Variants in NRG3 observed in about 807,000 individuals in gnomAD.
NRG3 encodes pro-neuregulin-3, membrane-bound isoform.
In NRG3, 31 loss-of-function variants were observed where a neutral mutation model predicts 66.9. The ratio of observed to expected loss-of-function variants is 0.46; its 90% CI spans 0.35 to 0.63. The LOEUF is 0.63. Among genes scored for constraint, NRG3 ranks in the 20% least tolerant of loss-of-function variants. The pLI is 0.00. For synonymous variants in NRG3, 393 were observed against 359.4 expected (o/e 1.09, Z -1.06); for missense variants, 910 against 878.9 (o/e 1.04, Z -0.45).
At chr10:82,832,509 G>A (rs1408087338) in intron 3 of NRG3, among the ~76,000 whole-genome samples, 2 of 152,012 alleles carry the variant, frequency 1.3e-5, no homozygotes, top group African/African-American at 4.8e-5. Flanking sequence ...ATAATATATG[G>A]CAATATTAAG....
chr10:82,242,418 T>C (rs11594444), intron 1 of NRG3, among the ~76,000 whole-genome samples: 22,444 of 152,254 alleles, frequency 0.15, 1,798 homozygotes, highest in African/African-American at 0.19. Context: ...AGAACATTTC[T>C]GTAAATAGAA....
At chr10:82,637,861 C>T (rs1055242787) in intron 2 of NRG3, among the ~76,000 whole-genome samples, 1 of 151,900 alleles carries the variant, frequency 6.6e-6, no homozygotes, top group African/African-American at 2.4e-5. Flanking sequence ...CCAGAGCATT[C>T]GATGATAGCA....
intron 1 of NRG3, among the ~76,000 whole-genome samples, chr10:81,888,237 G>A (rs775992108): frequency 6.6e-5 from 10 of 151,996 alleles, no homozygotes; most frequent in Non-Finnish European, 1.0e-4. Flanking sequence ...CCCTTTTGAC[G>A]TAAGCCTTTC....
At chr10:82,833,111 CT>C (rs1464410679) in intron 3 of NRG3, among the ~76,000 whole-genome samples, 5 of 152,064 alleles carry the variant, frequency 3.3e-5, no homozygotes, top group Non-Finnish European at 7.4e-5. Flanking sequence ...GTGCTCTTAA[CT>C]CTCAAATTTT....
chr10:82,687,535 GT>G (rs1371118365), intron 2 of NRG3, among the ~76,000 whole-genome samples: 1 of 152,032 alleles, frequency 6.6e-6, no homozygotes, highest in Non-Finnish European at 1.5e-5. Flanking sequence ...TTGTTTGTTT[GT>G]TTTTGTCAGG....
intron 3 of NRG3, among the ~76,000 whole-genome samples, chr10:82,796,895 G>A (rs2060823149): frequency 6.6e-6 from 1 of 151,994 alleles, no homozygotes; most frequent in Admixed American, 6.6e-5. Context: ...ACAGAATGAT[G>A]CAGACAAGGA....
At chr10:82,387,383 C>T (rs2086070436) in intron 2 of NRG3, among the ~76,000 whole-genome samples, 1 of 152,170 alleles carries the variant, frequency 6.6e-6, no homozygotes, top group Admixed American at 6.5e-5. Flanking sequence ...TTTCCAGTTA[C>T]TCATGTAATG....
intron 1 of NRG3, among the ~76,000 whole-genome samples, chr10:82,244,685 A>G (rs1337381616): frequency 1.3e-5 from 2 of 151,986 alleles, no homozygotes; most frequent in Non-Finnish European, 2.9e-5. Context: ...GCCAGGGGGT[A>G]CTGAGAGCGG....
intron 1 of NRG3, among the ~76,000 whole-genome samples, chr10:82,346,605 T>C (rs2083040215): frequency 6.6e-6 from 1 of 152,012 alleles, no homozygotes; most frequent in Non-Finnish European, 1.5e-5. Flanking sequence ...GGATTCCCTC[T>C]TTTTCTATTG....
intron 2 of NRG3, among the ~76,000 whole-genome samples, chr10:82,392,767 T>C (rs1589964372): frequency 6.6e-6 from 1 of 152,100 alleles, no homozygotes; most frequent in Admixed American, 6.6e-5. Context: ...ATCAGTGAGA[T>C]ATTGATCTAA....
At chr10:81,878,669 A>G (rs1841905211) in intron 1 of NRG3, among the ~76,000 whole-genome samples, 1 of 152,258 alleles carries the variant, frequency 6.6e-6, no homozygotes, top group Admixed American at 6.5e-5. Context: ...TCCTACCTCC[A>G]TACTTTAGTG....
Position 82,138,329 on chromosome 10 carries a change from G to C in NRG3, c.824-220410G>C, listed in dbSNP as rs139414269. On this transcript the variant is annotated intron_variant, in intron 1 of 8. Coordinates refer to ENST00000372141, the MANE Select transcript of NRG3 (RefSeq NM_001010848.4). ...AAGGTAGGATACATTTAATATGAAA[G>C]AAATAATTATTAGCTAACTTAAATA... Among the ~76,000 whole-genome samples, 1,429 of 152,206 alleles carry C rather than the reference G, an allele frequency of 9.4e-3. 27 individuals are homozygous for C. Among genetic ancestry groups the C allele is most frequent in the African/African-American group, 0.033 (1,372 of 41,550 alleles).
chr10:82,550,072 T>A (rs1444184487), intron 2 of NRG3, among the ~76,000 whole-genome samples: 1 of 152,124 alleles, frequency 6.6e-6, no homozygotes, highest in African/African-American at 2.4e-5. Context: ...GCAAATGATC[T>A]GTGCTGAAGT....
At chr10:82,562,941 G>T (rs1385271662) in intron 2 of NRG3, among the ~76,000 whole-genome samples, 1 of 152,058 alleles carries the variant, frequency 6.6e-6, no homozygotes, top group Non-Finnish European at 1.5e-5. Flanking sequence ...TTAGTCACAA[G>T]GTCAAGTATA....
chr10:82,437,653 C>A (rs373091658), intron 2 of NRG3, among the ~76,000 whole-genome samples: 1 of 152,052 alleles, frequency 6.6e-6, no homozygotes, highest in African/African-American at 2.4e-5. Context: ...TACATTGATT[C>A]TTTCTCATCT....
chr10:82,726,034 AAG>A (rs1312429738), intron 2 of NRG3, among the ~76,000 whole-genome samples: 1 of 152,262 alleles, frequency 6.6e-6, no homozygotes, highest in Admixed American at 6.5e-5. Flanking sequence ...GGCTTATAAA[AAG>A]AGAGAATCTC....
intron 1 of NRG3, among the ~76,000 whole-genome samples, chr10:82,148,646 G>C (rs1162453725): frequency 6.6e-6 from 1 of 152,058 alleles, no homozygotes; most frequent in Non-Finnish European, 1.5e-5. Context: ...ATTTGGCAGG[G>C]TTTAGGGAGA....
At chr10:81,939,641 A>G (rs1848228148) in intron 1 of NRG3, among the ~76,000 whole-genome samples, 1 of 145,846 alleles carries the variant, frequency 6.9e-6, no homozygotes, top group South Asian at 2.1e-4. Context: ...GGTTTTTGTT[A>G]TTTGAGTCTT....
intron 1 of NRG3, among the ~76,000 whole-genome samples, chr10:82,306,645 A>G (rs941099181): frequency 6.1e-5 from 8 of 130,226 alleles, no homozygotes; most frequent in Non-Finnish European, 1.1e-4. Flanking sequence ...CAGAGCTTTC[A>G]GTGAGCCGAG....
Sources: allele counts gnomAD v4.1 joint callset (sites outside exome capture counted in the v4.1 genomes callset), GRCh38; gene constraint gnomAD v4.1.1; transcripts MANE v1.5; gene names NCBI Gene and HGNC (gene_info 2026-07-23, HGNC 2026-07-21).